Variants in ZBED6 observed in about 807,000 individuals in gnomAD.
ZBED6 encodes zinc finger BED domain-containing protein 6.
Under a neutral mutation model 58.4 loss-of-function variants are expected in ZBED6, and 40 were observed. That is an observed-to-expected ratio of 0.68 (90% confidence interval 0.53 to 0.89). ZBED6 has a LOEUF of 0.89. ZBED6 is among the 40% of genes least tolerant of loss of function. ZBED6 has a pLI of 0.00. For missense variants in ZBED6, 1,057 were observed against 1,003.9 expected (o/e 1.05, Z -0.71); for synonymous variants, 439 against 350.6 (o/e 1.25, Z -2.82).
In ZBED6 at chr1:203,798,592, A is replaced by AT; in HGVS notation, c.1073dup (p.Leu358PhefsTer4). ...GGAGAAAAGTCTACAGGCAGCCAAG[A>AT]TTTAACAGCTGAGGACCTTAGTGAC... On this transcript the variant is annotated frameshift_variant, in exon 1 of 17. Transcript: ENST00000550078. LOFTEE classifies it high-confidence loss of function. 6.5e-7 allele frequency: 1 copy of AT among 1,536,160 alleles called. No individual in the cohort carries two copies. The highest frequency in any genetic ancestry group is 1.2e-5 in the South Asian group (1 of 84,068).
chr1:203,850,176 C>A, intron 14 of ZBED6, 150 bp downstream of exon 14: 2 of 732,836 alleles, frequency 2.7e-6, no homozygotes, highest in Non-Finnish European at 4.5e-6. Context: ...TATTTTTATA[C>A]AGAGGCAAAA....
At chr1:203,837,937 A>G (rs370884887) in intron 9 of ZBED6, 29 bp from the exon 10 acceptor site, 20 of 1,594,410 alleles carry the variant, frequency 1.3e-5, no homozygotes, top group Non-Finnish European at 1.7e-5. Context: ...TTGACTTGAA[A>G]TCTTAAACTA....
At chr1:203,836,378 A>G (rs1309812210) in intron 9 of ZBED6, among the ~76,000 whole-genome samples, 1 of 152,218 alleles carries the variant, frequency 6.6e-6, no homozygotes, top group African/African-American at 2.4e-5. Context: ...CTTGCAAACA[A>G]TGTAACTTCA....
chr1:203,798,642 G>C (rs910089894), exon 1 of ZBED6: 1 of 1,536,152 alleles, frequency 6.5e-7, no homozygotes, highest in Non-Finnish European at 8.7e-7. Context: ...ACCTATGTTA[G>C]AGGTTGAAAA....
In ZBED6 at chr1:203,850,514, G is replaced by A; in HGVS notation, c.*4639-1G>A. 3 of 1,613,882 alleles carry A rather than the reference G, an allele frequency of 1.9e-6. No homozygotes were observed. Among genetic ancestry groups the A allele is most frequent in the Non-Finnish European group, 1.7e-6 (2 of 1,179,836 alleles). On this transcript the variant is annotated splice_acceptor_variant, in intron 14 of 16. Coordinates refer to ENST00000550078, the Ensembl canonical transcript of ZBED6. LOFTEE classifies it low-confidence loss of function (3UTR_SPLICE). ...TATCAGATATTTTCTGCCCTTTGTA[G>A]CTAAACCCAAAGTGAACGTGAAGCC...
At chr1:203,805,838 G>A in intron 1 of ZBED6, 1 of 906,574 alleles carries the variant, frequency 1.1e-6, no homozygotes, top group South Asian at 1.3e-5. Flanking sequence ...AGTGCTTCTT[G>A]GATTTCATTT....
In ZBED6 at chr1:203,850,526, G is replaced by A. The variant is rs147577711; in HGVS notation, c.*4650G>A. 144 of 1,613,932 alleles carry A rather than the reference G, an allele frequency of 8.9e-5. No individual in the cohort carries two copies. In the African/African-American group the frequency reaches 1.5e-3, roughly 17 times the overall value. ...TCTGCCCTTTGTAGCTAAACCCAAAGTGAACGTGAAGCCATCTGTGGTTAA... is the reference window on the plus strand; with the variant it reads ...TCTGCCCTTTGTAGCTAAACCCAAAATGAACGTGAAGCCATCTGTGGTTAA... On this transcript the variant is annotated 3_prime_UTR_variant, in exon 15 of 17. Coordinates refer to ENST00000550078, the Ensembl canonical transcript of ZBED6.
intron 1 of ZBED6, among the ~76,000 whole-genome samples, chr1:203,810,421 A>T (rs1400128761): frequency 1.4e-5 from 2 of 138,576 alleles, no homozygotes; most frequent in East Asian, 2.6e-4. Flanking sequence ...TGTAGCTGTT[A>T]GGTTTTTTTT....
At chr1:203,797,613 G>T (rs779212811) in exon 1 of ZBED6, 92 of 1,535,728 alleles carry the variant, frequency 6.0e-5, no homozygotes, top group Non-Finnish European at 7.2e-5. Flanking sequence ...TCTGGGATGT[G>T]TTCCTATTAA....
At chr1:203,833,379 A>AAAAAC (rs1558128059) in intron 8 of ZBED6, among the ~76,000 whole-genome samples, 3 of 145,678 alleles carry the variant, frequency 2.1e-5, no homozygotes, top group Admixed American at 6.8e-5. Context: ...AAAAAAAAAA[A>AAAAAC]AAAAACACCA....
At chr1:203,798,268 T>C in exon 1 of ZBED6, 1 of 1,536,116 alleles carries the variant, frequency 6.5e-7, no homozygotes, top group Non-Finnish European at 8.7e-7. Flanking sequence ...AGATTTCTCA[T>C]CAAAAGTAAC....
chr1:203,806,967 C>G (rs1002666901), intron 1 of ZBED6, among the ~76,000 whole-genome samples: 1 of 150,334 alleles, frequency 6.7e-6, no homozygotes, highest in Non-Finnish European at 1.5e-5. Flanking sequence ...CCCTTTTACT[C>G]TAGTAAATAT....
chr1:203,829,776 A>G lies in ZBED6; in HGVS notation c.*3202-4A>G, dbSNP rs1339367135. On this transcript the variant is annotated splice_region_variant and splice_polypyrimidine_tract_variant and intron_variant, in intron 5 of 16. Transcript: ENST00000550078. Reference sequence around the variant, plus strand: ...GTGAATTTGCCTTAAATGTTGATATATAGATCAGTTTTCTGAGGAAGGTGA... The same window carrying G: ...GTGAATTTGCCTTAAATGTTGATATGTAGATCAGTTTTCTGAGGAAGGTGA... 10 of 1,613,842 alleles carry G rather than the reference A, an allele frequency of 6.2e-6. No homozygotes were observed. The highest frequency in any genetic ancestry group is 8.5e-6 in the Non-Finnish European group (10 of 1,179,726).
intron 3 of ZBED6, among the ~76,000 whole-genome samples, chr1:203,825,615 T>A (rs543474714): frequency 2.3e-4 from 35 of 152,162 alleles, no homozygotes; most frequent in Non-Finnish European, 1.5e-4. Context: ...TTGTATTTTT[T>A]AGTAGAGACG....
intron 3 of ZBED6, among the ~76,000 whole-genome samples, chr1:203,819,176 G>GTA (rs199790996): frequency 0.099 from 14,699 of 147,928 alleles, 1,012 homozygotes; most frequent in Non-Finnish European, 0.14. Context: ...ATATGTGTGT[G>GTA]TATATATATA....
exon 12 of ZBED6, chr1:203,847,536 T>C: frequency 6.2e-7 from 1 of 1,613,922 alleles, no homozygotes. Flanking sequence ...AAACAAAGTC[T>C]ATGCAGGAGG....
intron 11 of ZBED6, among the ~76,000 whole-genome samples, 167 bp downstream of exon 11, chr1:203,840,541 T>G (rs1685772756): frequency 6.6e-6 from 1 of 152,144 alleles, no homozygotes; most frequent in African/African-American, 2.4e-5. Flanking sequence ...TCAACTGGGA[T>G]CAATTCCTTT....
intron 1 of ZBED6, among the ~76,000 whole-genome samples, chr1:203,808,491 A>C (rs902772149): frequency 1.3e-5 from 2 of 152,180 alleles, no homozygotes; most frequent in African/African-American, 4.8e-5. Flanking sequence ...AAGTCCATCA[A>C]ATTTAAGGAA....
chr1:203,827,901 C>T (rs747770035), intron 3 of ZBED6, among the ~76,000 whole-genome samples: 38 of 152,212 alleles, frequency 2.5e-4, no homozygotes, highest in South Asian at 1.2e-3. Flanking sequence ...CATTTATTCC[C>T]GTTTTATAGC....
Sources: allele counts gnomAD v4.1 joint callset (sites outside exome capture counted in the v4.1 genomes callset), GRCh38; gene constraint gnomAD v4.1.1; transcripts MANE v1.5; gene names NCBI Gene and HGNC (gene_info 2026-07-23, HGNC 2026-07-21).